BEND4: variants seen among roughly 807,000 people sequenced by gnomAD.
BEND4 encodes BEN domain containing 4.
BEND4 carries 27 observed loss-of-function variants against 54.7 expected under a neutral mutation model. The ratio of observed to expected loss-of-function variants is 0.49; its 90% CI spans 0.36 to 0.68. The LOEUF (loss-of-function observed/expected upper bound fraction) is 0.68, where lower values mean the gene tolerates loss of function less well. BEND4 is among the 30% of genes least tolerant of loss of function. BEND4 has a pLI of 0.00. For synonymous variants in BEND4, 327 were observed against 299.5 expected (o/e 1.09, Z -0.95); for missense variants, 702 against 697.2 (o/e 1.01, Z -0.08).
rs545999070 is a variant in BEND4, at chr4:42,130,340, C to T, written c.1055-4666G>A. On this transcript the variant is annotated intron_variant, in intron 3 of 5. Transcript: ENST00000502486. ...CTAAAAATACAAAAAATTAGCCAGG[C>T]GTGGTGGCGGACACCTATGGTCCCA... 7.9e-5 allele frequency among the ~76,000 whole-genome samples: 12 copies of T among 151,904 alleles called. No individual in the cohort carries two copies. In the South Asian group the frequency reaches 1.0e-3, roughly 13 times the overall value.
rs538291585 is a variant in BEND4, at chr4:42,120,260, T to C, written c.1181A>G (p.Tyr394Cys). The stretch of plus-strand genomic sequence containing the variant: ...CTCATCCCACTGTTTGCTCGTTATG[T>C]AGACAGGATAGTTGTTCAACAGCTG... ...SKQLLNNYPV[Y>C]ITSKQWDEAV... The change falls in exon 5 of 6, where the codon TAC becomes TGC. Residue 394 changes from tyrosine to cysteine, a missense_variant. Physicochemically the swap from Tyr to Cys is radical, Grantham distance 194. Transcript: ENST00000502486. 9 of 1,610,970 alleles carry C rather than the reference T, an allele frequency of 5.6e-6. No homozygotes were observed. In the East Asian group the frequency reaches 1.3e-4, roughly 24 times the overall value.
chr4:42,135,463 G>A (rs989782714), intron 3 of BEND4, among the ~76,000 whole-genome samples: 1 of 152,072 alleles, frequency 6.6e-6, no homozygotes, highest in African/African-American at 2.4e-5. Context: ...TATTGTATTT[G>A]GTACTTTCAA....
chr4:42,138,465 G>A (rs1221522144), intron 3 of BEND4, among the ~76,000 whole-genome samples: 3 of 152,170 alleles, frequency 2.0e-5, no homozygotes, highest in African/African-American at 4.8e-5. Context: ...CAGAGGTTAC[G>A]AAGTAGCACT....
chr4:42,151,405 A>G (rs931206389), intron 2 of BEND4: 1 of 305,712 alleles, frequency 3.3e-6, no homozygotes, highest in African/African-American at 2.2e-5. Flanking sequence ...CGACTGCCAC[A>G]GCCGTGCTTC....
In BEND4 at chr4:42,115,908, C is replaced by T. The variant is rs987942662; in HGVS notation, c.*1610G>A. The T allele has an allele frequency of 2.6e-5, 4 of 152,116 alleles. No individual in the cohort carries two copies. Among genetic ancestry groups the T allele is most frequent in the Non-Finnish European group, 5.9e-5 (4 of 68,010 alleles). 9.4% of individuals were successfully genotyped at this position (152,116 alleles called of 1,614,324 possible). ...TCAAAACAGGATTGAAATATTAGTG[C>T]CCACTACATCATTGAGCAGATCTGA... is the stretch of plus-strand genomic sequence containing the variant. On this transcript the variant is annotated 3_prime_UTR_variant, in exon 6 of 6. Coordinates refer to ENST00000502486, the MANE Select transcript of BEND4 (RefSeq NM_207406.4).
intron 4 of BEND4, among the ~76,000 whole-genome samples, chr4:42,124,019 C>G (rs754502315): frequency 7.2e-5 from 11 of 152,264 alleles, no homozygotes; most frequent in East Asian, 3.9e-4. Flanking sequence ...GACTGATGCT[C>G]TAGGTATGCA....
intron 3 of BEND4, among the ~76,000 whole-genome samples, chr4:42,129,071 C>T (rs1577753837): frequency 6.6e-6 from 1 of 152,324 alleles, no homozygotes; most frequent in East Asian, 1.9e-4. Context: ...TGATAAGAAA[C>T]TTCAGCAAAG....
In BEND4 at chr4:42,113,876, T is replaced by C. The variant is rs1719685293; in HGVS notation, c.*3642A>G. On this transcript the variant is annotated 3_prime_UTR_variant, in exon 6 of 6. Coordinates refer to ENST00000502486, the MANE Select transcript of BEND4 (RefSeq NM_207406.4). ...TAACAATTTTCTGCAAATGCTCTAA[T>C]ATTATCCTTACATTCCTAGTGAAGC... is the stretch of plus-strand genomic sequence containing the variant. The C allele has an allele frequency of 6.6e-6, 1 of 152,204 alleles. No homozygotes were observed. The highest frequency in any genetic ancestry group is 2.1e-4 in the South Asian group (1 of 4,830). 9.4% of individuals were successfully genotyped at this position (152,204 alleles called of 1,614,324 possible).
In BEND4 at chr4:42,117,002, T is replaced by C. The variant is rs1365669817; in HGVS notation, c.*516A>G. The C allele has an allele frequency of 1.3e-5, 2 of 152,444 alleles. No homozygotes were observed. The highest frequency in any genetic ancestry group is 3.8e-4 in the East Asian group (2 of 5,204). 9.4% of individuals were successfully genotyped at this position (152,444 alleles called of 1,614,324 possible). ...GGTTTCCTTTTAGTAATAGACATTA[T>C]TAATGTCAAAATGGTATATGATGTC... On this transcript the variant is annotated 3_prime_UTR_variant, in exon 6 of 6. Transcript: ENST00000502486.
rs1245281534 is a variant in BEND4, at chr4:42,152,165, C to G, written c.-22G>C. ...CCATCCGGCGCCTCGGGGCCGGTCC[C>G]TCGGAGCACGTCCCCTCCCCGCCGG... On this transcript the variant is annotated 5_prime_UTR_variant, in exon 2 of 6. Coordinates refer to ENST00000502486, the MANE Select transcript of BEND4 (RefSeq NM_207406.4). 5 of 1,240,434 alleles carry G rather than the reference C, an allele frequency of 4.0e-6. No individual in the cohort carries two copies. Among genetic ancestry groups the G allele is most frequent in the Non-Finnish European group, 5.1e-6 (5 of 984,282 alleles). 76.8% of individuals were successfully genotyped at this position (1,240,434 alleles called of 1,614,324 possible).
rs1198410019 is a variant in BEND4, at chr4:42,143,597, G to C, written c.885C>G (p.Ser295=). The C allele has an allele frequency of 6.3e-7, 1 of 1,597,144 alleles. No homozygotes were observed. Among genetic ancestry groups the C allele is most frequent in the Non-Finnish European group, 8.5e-7 (1 of 1,171,664 alleles). The change falls in exon 3 of 6, where the codon TCC becomes TCG. Residue 295 remains serine, a synonymous_variant. Transcript: ENST00000502486. Reference sequence around the variant, plus strand: ...GGCCATGGGATTCGGACGTTGCTGGGGAAGTCCAGCCACCTAATGTATGCA... The same window carrying C: ...GGCCATGGGATTCGGACGTTGCTGGCGAAGTCCAGCCACCTAATGTATGCA... ...SPVHTLGGWT[S]PATSESHGHP... is the part of the protein sequence containing the mutation.
At chr4:42,144,450 C>T (rs1421957606) in intron 2 of BEND4, among the ~76,000 whole-genome samples, 3 of 152,180 alleles carry the variant, frequency 2.0e-5, no homozygotes, top group Non-Finnish European at 4.4e-5. Flanking sequence ...GATACAATCC[C>T]TGCAGAGAGT....
At chr4:42,151,228 T>C (rs1264709949) in intron 2 of BEND4, 1 of 156,386 alleles carries the variant, frequency 6.4e-6, no homozygotes, top group African/African-American at 2.4e-5. Context: ...AAGAAACAAA[T>C]GGAGGAAGAA....
intron 2 of BEND4, among the ~76,000 whole-genome samples, chr4:42,144,326 A>G (rs544067993): frequency 6.6e-6 from 1 of 151,964 alleles, no homozygotes; most frequent in East Asian, 1.9e-4. Flanking sequence ...TAATATCCTT[A>G]CTCTAAGGAA....
At chr4:42,146,423 T>C (rs557755083) in intron 2 of BEND4, among the ~76,000 whole-genome samples, 18 of 152,258 alleles carry the variant, frequency 1.2e-4, no homozygotes, top group Non-Finnish European at 2.5e-4. Context: ...GCTTGATTTA[T>C]ACTTTGTAAT....
At chr4:42,118,951 G>A (rs1353282002) in intron 5 of BEND4, among the ~76,000 whole-genome samples, 3 of 152,172 alleles carry the variant, frequency 2.0e-5, no homozygotes, top group Non-Finnish European at 4.4e-5. Context: ...AGGCATTTTC[G>A]TCTCAGGTGG....
At chr4:42,121,803 T>TGCC (rs1720071983) in intron 4 of BEND4, among the ~76,000 whole-genome samples, 1 of 152,132 alleles carries the variant, frequency 6.6e-6, no homozygotes, top group African/African-American at 2.4e-5. Context: ...CTGAGAGGGC[T>TGCC]AGGCAACCAA....
chr4:42,112,575 G>A lies in BEND4; in HGVS notation c.*4943C>T, dbSNP rs1222371197. 2 of 152,144 alleles carry A rather than the reference G, an allele frequency of 1.3e-5. No individual in the cohort carries two copies. Among genetic ancestry groups the A allele is most frequent in the African/African-American group, 2.4e-5 (1 of 41,420 alleles). The allele number at this position is 152,144 out of a possible 1,614,324, so 9.4% of individuals were successfully genotyped here. A position where few individuals can be genotyped will look rare whatever the true frequency, so the allele number is the denominator to read the frequency against. On this transcript the variant is annotated 3_prime_UTR_variant, in exon 6 of 6. Coordinates refer to ENST00000502486, the MANE Select transcript of BEND4 (RefSeq NM_207406.4). ...ATCAGACAGCTATAGAGAATTGTGA[G>A]GAAAATTAATCCGGTCCCCATTACT...
chr4:42,148,081 G>A (rs1439668854), intron 2 of BEND4, among the ~76,000 whole-genome samples: 1 of 152,052 alleles, frequency 6.6e-6, no homozygotes, highest in African/African-American at 2.4e-5. Flanking sequence ...GTATTCATAT[G>A]TTATATCTAC....
Sources: gnomAD v4.1 joint callset for allele counts (sites outside exome capture counted in the v4.1 genomes callset) on GRCh38, gnomAD v4.1.1 for gene constraint, MANE v1.5 for transcripts, NCBI Gene and HGNC (gene_info 2026-07-23, HGNC 2026-07-21) for gene names.